UACA: variants seen among roughly 807,000 people sequenced by gnomAD.
The protein encoded by UACA is nuclear membrane binding protein.
In UACA, 112 loss-of-function variants were observed where a neutral mutation model predicts 160.5. The ratio of observed to expected loss-of-function variants is 0.70; its 90% CI spans 0.60 to 0.82. The LOEUF is 0.82. UACA is among the 40% of genes least tolerant of loss of function. UACA has a pLI of 0.00. For synonymous variants in UACA, 557 were observed against 568.4 expected, an observed-to-expected ratio of 0.98 and a Z score of 0.29; for missense variants, 1,574 against 1,614.6, an observed-to-expected ratio of 0.97 and a Z score of 0.43.
chr15:70,740,880 A>G (rs1390107235), intron 1 of UACA, among the ~76,000 whole-genome samples: 2 of 151,704 alleles, frequency 1.3e-5, no homozygotes, highest in African/African-American at 4.8e-5. Context: ...CTCTACCAGA[A>G]GTACAAAAAT....
chr15:70,674,492 A>G (rs1487420036), intron 13 of UACA, among the ~76,000 whole-genome samples: 2 of 152,200 alleles, frequency 1.3e-5, no homozygotes, highest in African/African-American at 4.8e-5. Context: ...TTATTTTTCT[A>G]AAGTAAATAA....
intron 1 of UACA, among the ~76,000 whole-genome samples, chr15:70,735,565 GCTT>G (rs1272907217): frequency 1.3e-5 from 2 of 152,048 alleles, no homozygotes; most frequent in African/African-American, 2.4e-5. Flanking sequence ...CCTCCAGCTT[GCTT>G]CTTTTTACAT....
chr15:70,763,325 C>T lies in UACA; in HGVS notation c.78+5G>A. ...GCGCCTCGCAGCCCGGACCGCGGGA[C>T]TCACCGCGCTGGCGGCGGCGGCGCC... On this transcript the variant is annotated splice_donor_5th_base_variant and intron_variant, in intron 1 of 18. Coordinates refer to ENST00000322954, the MANE Select transcript of UACA (RefSeq NM_018003.4). The T allele has an allele frequency of 7.5e-7, 1 of 1,333,506 alleles. No individual in the cohort carries two copies. Among genetic ancestry groups the T allele is most frequent in the Non-Finnish European group, 9.6e-7 (1 of 1,036,574 alleles). The allele number at this position is 1,333,506 out of a possible 1,614,324, so 82.6% of individuals were successfully genotyped here.
chr15:70,741,704 T>C lies in UACA; in HGVS notation c.78+21626A>G, dbSNP rs559331251. Among the ~76,000 whole-genome samples, 5 of 152,344 alleles carry C rather than the reference T, an allele frequency of 3.3e-5. No individual in the cohort carries two copies. The South Asian group carries it at 1.0e-3, about 32-fold the overall frequency. On this transcript the variant is annotated intron_variant, in intron 1 of 18. Coordinates refer to ENST00000322954, the MANE Select transcript of UACA (RefSeq NM_018003.4). Reference sequence around the variant, plus strand: ...AACAATGAAAAGCAATAGTATACTATGTGATTAAAACGTTAGTTTTAATAA... The same window carrying C: ...AACAATGAAAAGCAATAGTATACTACGTGATTAAAACGTTAGTTTTAATAA...
Position 70,668,283 on chromosome 15 carries a change from T to G in UACA, c.2401A>C (p.Thr801Pro), listed in dbSNP as rs1456477947. The change falls in exon 16 of 19, where the codon ACT (threonine) becomes CCT (proline). Residue 801 changes from threonine (T) to proline (P), a missense_variant. Coordinates refer to ENST00000322954, the MANE Select transcript of UACA (RefSeq NM_018003.4). ...TGTTTCTCAGGAGGTACAAACACAG[T>G]TTCTAGGCGGCTTACATCCTTACTT... is the stretch of plus-strand genomic sequence containing the variant. Reference protein sequence around the residue: ...SLSKDVSRLETVFVPPEKHEK... With the variant: ...SLSKDVSRLEPVFVPPEKHEK... The G allele has an allele frequency of 6.2e-7, 1 of 1,613,374 alleles. No homozygotes were observed. The highest frequency in any genetic ancestry group is 1.3e-5 in the African/African-American group (1 of 74,902).
At position 70,668,414 on chromosome 15, in the gene UACA, TG is replaced by T. The variant is rs1344994724; in HGVS notation, c.2269del (p.His757MetfsTer13). Reference protein sequence around the residue: ...LKVSEDMKKSHDAIIDDLNRK... With the variant: ...LKVSEDMKKSXDAIIDDLNRK... Reference sequence around the variant, plus strand: ...ATTAAGATCATCAATAATTGCATCATGTGACTTTTTCATGTCTTCACTTACT... The same window carrying T: ...ATTAAGATCATCAATAATTGCATCATTGACTTTTTCATGTCTTCACTTACT... On this transcript the variant is annotated frameshift_variant, in exon 16 of 19. Coordinates refer to ENST00000322954, the MANE Select transcript of UACA (RefSeq NM_018003.4). LOFTEE classifies it high-confidence loss of function. 1.9e-6 allele frequency: 3 copies of T among 1,611,582 alleles called. No individual in the cohort carries two copies. The Admixed American group carries it at 5.0e-5, about 27-fold the overall frequency.
At chr15:70,718,324 A>ATATGTG (rs1555414641) in intron 1 of UACA, among the ~76,000 whole-genome samples, 1 of 60,182 alleles carries the variant, frequency 1.7e-5, no homozygotes, top group Non-Finnish European at 3.0e-5. Context: ...GAGAGAGAGA[A>ATATGTG]TGTGTGTGTG....
intron 17 of UACA, among the ~76,000 whole-genome samples, chr15:70,662,785 G>A (rs1448026839): frequency 1.3e-5 from 2 of 152,110 alleles, no homozygotes; most frequent in Admixed American, 1.3e-4. Flanking sequence ...TTAATAAATG[G>A]TGCTGGGAAA....
At chr15:70,769,264 A>G in the UACA span, among the ~76,000 whole-genome samples, 1 of 141,540 alleles carries the variant, frequency 7.1e-6, no homozygotes, top group East Asian at 2.2e-4. Flanking sequence ...GCGTGAACCC[A>G]GGAGGCGGAG....
At chr15:70,710,966 G>A (rs1284390175) in intron 1 of UACA, among the ~76,000 whole-genome samples, 1 of 152,158 alleles carries the variant, frequency 6.6e-6, no homozygotes, top group Non-Finnish European at 1.5e-5. Flanking sequence ...GCTGGAGTGG[G>A]CTGAAAGTTC....
chr15:70,740,865 C>T, intron 1 of UACA, among the ~76,000 whole-genome samples: 1 of 151,306 alleles, frequency 6.6e-6, no homozygotes, highest in East Asian at 2.0e-4. Context: ...ATGGTGAAAC[C>T]CCGTCTCTAC....
At chr15:70,711,360 C>T (rs1898675743) in intron 1 of UACA, among the ~76,000 whole-genome samples, 1 of 151,844 alleles carries the variant, frequency 6.6e-6, no homozygotes, top group African/African-American at 2.4e-5. Context: ...CTGGATAATT[C>T]ATTTGTTCAA....
At chr15:70,686,732 T>G (rs899469390) in intron 7 of UACA, among the ~76,000 whole-genome samples, 21 of 152,178 alleles carry the variant, frequency 1.4e-4, no homozygotes, top group African/African-American at 5.1e-4. Flanking sequence ...ATAGAATACA[T>G]GTTTGGAAGA....
intron 1 of UACA, among the ~76,000 whole-genome samples, chr15:70,759,264 T>C (rs575244219): frequency 1.3e-5 from 2 of 152,334 alleles, no homozygotes; most frequent in South Asian, 4.1e-4. Context: ...ACTATACATA[T>C]AACTGAACAC....
intron 1 of UACA, chr15:70,758,326 G>A (rs2030548907): frequency 6.6e-6 from 1 of 152,154 alleles, no homozygotes; most frequent in Non-Finnish European, 1.5e-5. Context: ...GAAATTCAAC[G>A]CAGGGATAAC....
intron 1 of UACA, among the ~76,000 whole-genome samples, chr15:70,752,529 TC>T (rs969027871): frequency 6.7e-6 from 1 of 149,372 alleles, no homozygotes; most frequent in African/African-American, 2.5e-5. Context: ...CTCTCTCCCC[TC>T]CCCCCCACCA....
intron 1 of UACA, among the ~76,000 whole-genome samples, chr15:70,713,156 A>G (rs1898732738): frequency 6.6e-6 from 1 of 152,138 alleles, no homozygotes; most frequent in East Asian, 1.9e-4. Context: ...CATCCTGGCT[A>G]ACACAGTGAT....
At chr15:70,717,781 T>C (rs1898863562) in intron 1 of UACA, among the ~76,000 whole-genome samples, 1 of 152,170 alleles carries the variant, frequency 6.6e-6, no homozygotes, top group South Asian at 2.1e-4. Context: ...CAAGCACAGA[T>C]GTAACTGTGA....
intron 1 of UACA, among the ~76,000 whole-genome samples, chr15:70,713,158 C>T (rs928412935): frequency 6.6e-6 from 1 of 152,058 alleles, no homozygotes; most frequent in African/African-American, 2.4e-5. Context: ...TCCTGGCTAA[C>T]ACAGTGATGT....
Sources: allele counts gnomAD v4.1 joint callset (sites outside exome capture counted in the v4.1 genomes callset), GRCh38; gene constraint gnomAD v4.1.1; transcripts MANE v1.5; gene names NCBI Gene and HGNC (gene_info 2026-07-23, HGNC 2026-07-21).